ANKRD36: variants seen among roughly 807,000 people sequenced by gnomAD.
ANKRD36 encodes the protein ankyrin repeat domain-containing protein 36A.
ANKRD36 carries 179 observed loss-of-function variants against 278.1 expected under a neutral mutation model. The observed-to-expected ratio is 0.64, with a 90% confidence interval of 0.57 to 0.73. ANKRD36 has a LOEUF of 0.73. ANKRD36 is among the 30% of genes least tolerant of loss of function. The pLI is 0.00. For synonymous variants in ANKRD36, 320 were observed against 641.1 expected (o/e 0.50, Z 7.57); for missense variants, 1,159 against 1,956.7 (o/e 0.59, Z 7.69).
At chr2:97,210,461 G>A (rs1258827417) in intron 56 of ANKRD36, among the ~76,000 whole-genome samples, 3 of 151,818 alleles carry the variant, frequency 2.0e-5, no homozygotes, top group South Asian at 2.1e-4. Flanking sequence ...TTGGCTGCTC[G>A]AGGAACTACT....
chr2:97,208,440 A>C (rs1457791547), intron 54 of ANKRD36, among the ~76,000 whole-genome samples: 7 of 146,504 alleles, frequency 4.8e-5, no homozygotes, highest in Non-Finnish European at 6.0e-5. Context: ...CTGGTGTAGC[A>C]ACAGTTTTCC....
rs545057266 is a variant in ANKRD36 at position 97,209,984 on chromosome 2, T to G, written c.3367+112T>G. On this transcript the variant is annotated intron_variant, in intron 56 of 75. Coordinates refer to ENST00000420699, the MANE Select transcript of ANKRD36 (RefSeq NM_001354587.1). ...GAAGCTGCACATTCTGATTCAGCAG[T>G]CCTGAGATTCTTCATTTCAAATAAG... 2.1e-4 allele frequency: 295 copies of G among 1,420,642 alleles called. 2 individuals are homozygous for G. The highest frequency in any genetic ancestry group is 2.1e-3 in the Middle Eastern group (8 of 3,890). 88.0% of individuals were successfully genotyped at this position (1,420,642 alleles called of 1,614,324 possible).
At chr2:97,224,672 G>C (rs1203221743) in intron 66 of ANKRD36, 134 bp from the exon 67 acceptor site, 2 of 1,002,662 alleles carry the variant, frequency 2.0e-6, no homozygotes, top group East Asian at 7.4e-5. Flanking sequence ...GGATGGTCTC[G>C]ATCTCCTGAC....
intron 75 of ANKRD36, among the ~76,000 whole-genome samples, chr2:97,260,347 GATATATATATAT>G (rs71218080): frequency 2.9e-4 from 34 of 117,646 alleles, no homozygotes; most frequent in Admixed American, 1.5e-3. Context: ...TATTTTAAAA[GATATATATATAT>G]ATATATATAT....
chr2:97,207,687 G>A (rs1433871848), intron 52 of ANKRD36, 124 bp from the exon 53 acceptor site: 5 of 1,442,284 alleles, frequency 3.5e-6, no homozygotes, highest in Non-Finnish European at 4.7e-6. Flanking sequence ...ACACAAAGTA[G>A]AAGCCATCAA....
chr2:97,201,904 C>T (rs1375500660), intron 46 of ANKRD36, among the ~76,000 whole-genome samples: 1 of 152,014 alleles, frequency 6.6e-6, no homozygotes, highest in Non-Finnish European at 1.5e-5. Context: ...GATTTTAGAT[C>T]ACATTTGTTC....
In ANKRD36 at chr2:97,264,504, G is replaced by T. The variant is rs2076972524; in HGVS notation, c.*182G>T. On this transcript the variant is annotated 3_prime_UTR_variant, in exon 76 of 76. Transcript: ENST00000420699. ...TTGTGAAAATAATCAGCAGCCGGAT[G>T]TGGATAACCCTTTCAAATTTCTCCA... The T allele has an allele frequency of 1.3e-5, 1 of 76,800 alleles. No individual in the cohort carries two copies. Among genetic ancestry groups the T allele is most frequent in the Non-Finnish European group, 1.8e-5 (1 of 54,954 alleles). 4.8% of individuals were successfully genotyped at this position (76,800 alleles called of 1,614,324 possible). A position where few individuals can be genotyped will look rare whatever the true frequency, so the allele number is the denominator to read the frequency against.
chr2:97,191,219 C>T (rs1281675328), intron 36 of ANKRD36, 38 bp downstream of exon 36: 6 of 1,526,566 alleles, frequency 3.9e-6, no homozygotes, highest in South Asian at 1.2e-5. Flanking sequence ...ATATTCAGTC[C>T]AGATAGATAA....
chr2:97,129,465 CT>C (rs2039499224), intron 6 of ANKRD36, among the ~76,000 whole-genome samples: 1 of 152,030 alleles, frequency 6.6e-6, no homozygotes, highest in Admixed American at 6.6e-5. Flanking sequence ...TGCAGAAGCT[CT>C]TTAGTTTAAT....
Position 97,211,544 on chromosome 2 carries a change from A to C in ANKRD36, c.3368-2A>C. The C allele has an allele frequency of 6.2e-7, 1 of 1,606,310 alleles. No homozygotes were observed. The highest frequency in any genetic ancestry group is 1.7e-5 in the Admixed American group (1 of 59,694). ...TGATTATGTATCCCTTTTGCTTTTC[A>C]GTGTCTTCTCCGAAACAACCAGCAT... On this transcript the variant is annotated splice_acceptor_variant, in intron 56 of 75. Coordinates refer to ENST00000420699, the MANE Select transcript of ANKRD36 (RefSeq NM_001354587.1). LOFTEE classifies it high-confidence loss of function.
chr2:97,233,357 T>C (rs2072832403), intron 67 of ANKRD36, among the ~76,000 whole-genome samples: 1 of 149,988 alleles, frequency 6.7e-6, no homozygotes, highest in South Asian at 2.3e-4. Flanking sequence ...TCCATTTGAA[T>C]TTTTTTACTT....
intron 1 of ANKRD36, among the ~76,000 whole-genome samples, chr2:97,115,065 T>C (rs1180241352): frequency 6.6e-6 from 1 of 152,092 alleles, no homozygotes; most frequent in Non-Finnish European, 1.5e-5. Context: ...TGTAAGAATT[T>C]ATTAGGTTGG....
In ANKRD36 at chr2:97,185,400, A is replaced by G. The variant is rs1197588706; in HGVS notation, c.1969-38A>G. Reference sequence around the variant, plus strand: ...AGTAACTGTATAGTCCATGAAACATACTTTCTTTATTGATAATTTGCTTCA... The same window carrying G: ...AGTAACTGTATAGTCCATGAAACATGCTTTCTTTATTGATAATTTGCTTCA... On this transcript the variant is annotated intron_variant, in intron 29 of 75. Coordinates refer to ENST00000420699, the MANE Select transcript of ANKRD36 (RefSeq NM_001354587.1). The G allele has an allele frequency of 1.9e-6, 3 of 1,607,892 alleles. No homozygotes were observed. The Admixed American group carries it at 5.1e-5, about 27-fold the overall frequency.
At chr2:97,177,604 T>C (rs2054688072) in intron 22 of ANKRD36, among the ~76,000 whole-genome samples, 1 of 151,940 alleles carries the variant, frequency 6.6e-6, no homozygotes, top group South Asian at 2.1e-4. Flanking sequence ...AAAATGGTGC[T>C]GGGAAAACTG....
At chr2:97,229,762 G>T (rs1451667029) in intron 67 of ANKRD36, among the ~76,000 whole-genome samples, 2 of 152,048 alleles carry the variant, frequency 1.3e-5, no homozygotes, top group East Asian at 2.0e-4. Context: ...GCATGATTTT[G>T]CAGTGGCTGG....
chr2:97,120,664 T>C (rs1037285189), intron 3 of ANKRD36, among the ~76,000 whole-genome samples: 10 of 152,126 alleles, frequency 6.6e-5, no homozygotes, highest in African/African-American at 1.4e-4. Context: ...ATTTTTATTG[T>C]ATTCTTGGGC....
intron 66 of ANKRD36, among the ~76,000 whole-genome samples, chr2:97,221,483 G>C (rs1311841625): frequency 4.4e-5 from 5 of 113,266 alleles, no homozygotes; most frequent in Non-Finnish European, 8.5e-5. Flanking sequence ...ACTGGTGTGA[G>C]ATGATATCTC....
chr2:97,158,213 T>C (rs1281634689), intron 16 of ANKRD36, 46 bp downstream of exon 16: 16 of 1,384,160 alleles, frequency 1.2e-5, no homozygotes, highest in Non-Finnish European at 1.6e-5. Context: ...CTGAATCTTT[T>C]TTTTTCTTTC....
Position 97,202,357 on chromosome 2 carries a change from G to A in ANKRD36, c.2923G>A (p.Ala975Thr). 1 of 1,561,412 alleles carries A rather than the reference G, an allele frequency of 6.4e-7. No homozygotes were observed. Among genetic ancestry groups the A allele is most frequent in the Non-Finnish European group, 8.6e-7 (1 of 1,156,484 alleles). ...CGAGGAAGATTCTGTTTTGGGTATA[G>A]CCAGAGAAAACAAGGATGGAGAAAA... The part of the protein sequence containing the change: ...SDEEDSVLGI[A>T]RENKDGEKSR... Residue 975 changes from alanine to threonine, a missense_variant, in exon 48 of 76, where the codon GCC (alanine) becomes ACC (threonine). Coordinates refer to ENST00000420699, the MANE Select transcript of ANKRD36 (RefSeq NM_001354587.1).
Sources: allele counts gnomAD v4.1 joint callset (sites outside exome capture counted in the v4.1 genomes callset), GRCh38; gene constraint gnomAD v4.1.1; transcripts MANE v1.5; gene names NCBI Gene and HGNC (gene_info 2026-07-23, HGNC 2026-07-21).